ACP3: variants seen among roughly 807,000 people sequenced by gnomAD.
ACP3 encodes prostatic acid phosphatase.
ACP3 carries 38 observed loss-of-function variants against 45.6 expected under a neutral mutation model. The observed-to-expected ratio is 0.83, with a 90% CI of 0.64 to 1.09. The LOEUF is 1.09. Among genes scored for constraint, ACP3 ranks in the 50% least tolerant of loss-of-function variants. The pLI is 0.00. For missense variants in ACP3, 466 were observed against 463.2 expected, an observed-to-expected ratio of 1.01 and a Z score of -0.05; for synonymous variants, 162 against 164.7, an observed-to-expected ratio of 0.98 and a Z score of 0.13.
At position 132,358,670 on chromosome 3, in the gene ACP3, T is replaced by G. The variant is rs1937974182; in HGVS notation, c.*1792T>G. The G allele has an allele frequency of 1.1e-5, 11 of 1,029,668 alleles. No individual in the cohort carries two copies. The African/African-American group carries it at 1.5e-4, about 14-fold the overall frequency. The allele number at this position is 1,029,668 out of a possible 1,614,324, so 63.8% of individuals were successfully genotyped here. A position where few individuals can be genotyped will look rare whatever the true frequency, so the allele number is the denominator to read the frequency against. ...TATTTCCCTCCCAAGTAAATGTTTG[T>G]CCTTGGGTCCATTTTCTATGCTTGT... On this transcript the variant is annotated 3_prime_UTR_variant, in exon 10 of 10. Transcript: ENST00000336375.
intron 8 of ACP3, among the ~76,000 whole-genome samples, chr3:132,351,232 C>G (rs573731524): frequency 6.6e-6 from 1 of 152,136 alleles, no homozygotes; most frequent in Admixed American, 6.5e-5. Context: ...GTTGGAGCTA[C>G]ATTTGGGAGT....
At chr3:132,367,008 T>G (rs1938142787) in intron 10 of ACP3, among the ~76,000 whole-genome samples, 2 of 152,188 alleles carry the variant, frequency 1.3e-5, no homozygotes, top group South Asian at 4.1e-4. Flanking sequence ...AACCCTATAT[T>G]TTTACAATGA....
chr3:132,324,643 A>T (rs573444881), intron 1 of ACP3, among the ~76,000 whole-genome samples: 19 of 151,742 alleles, frequency 1.3e-4, no homozygotes, highest in Non-Finnish European at 2.1e-4. Flanking sequence ...ATTTTTTTTT[A>T]TTTTTATTTA....
chr3:132,318,294 T>G (rs1937144521), intron 1 of ACP3, among the ~76,000 whole-genome samples: 1 of 152,218 alleles, frequency 6.6e-6, no homozygotes, highest in Non-Finnish European at 1.5e-5. Context: ...CTTTTTTTCC[T>G]TCTGTTTCAC....
chr3:132,337,592 T>C lies in ACP3; in HGVS notation c.555+38T>C, dbSNP rs1553731803. The C allele has an allele frequency of 1.2e-5, 16 of 1,374,846 alleles. 1 individual carries two copies. In the East Asian group the frequency reaches 3.7e-4, roughly 32 times the overall value. 85.2% of individuals were successfully genotyped at this position (1,374,846 alleles called of 1,614,324 possible). A position where few individuals can be genotyped will look rare whatever the true frequency, so the allele number is the denominator to read the frequency against. Reference sequence around the variant, plus strand: ...TTTTGTTTAGTGGTACTTGTTAGTTTGTTAGTGGTACTTGAGTGTGAGGGC... The same window carrying C: ...TTTTGTTTAGTGGTACTTGTTAGTTCGTTAGTGGTACTTGAGTGTGAGGGC... On this transcript the variant is annotated intron_variant, in intron 5 of 9. Transcript: ENST00000336375.
intron 4 of ACP3, among the ~76,000 whole-genome samples, chr3:132,332,928 T>A (rs914119354): frequency 6.6e-6 from 1 of 152,200 alleles, no homozygotes; most frequent in African/African-American, 2.4e-5. Flanking sequence ...ACAAACAAAT[T>A]GGTCCAAAGC....
At chr3:132,340,272 G>A (rs930738798) in intron 5 of ACP3, among the ~76,000 whole-genome samples, 19 of 147,020 alleles carry the variant, frequency 1.3e-4, no homozygotes, top group Admixed American at 2.8e-4. Flanking sequence ...CCGAGATGGC[G>A]CCACTGCATT....
intron 1 of ACP3, among the ~76,000 whole-genome samples, chr3:132,319,777 C>T (rs1937171804): frequency 6.6e-6 from 1 of 152,160 alleles, no homozygotes. Flanking sequence ...TAGACATGGT[C>T]TTTTCCTGCT....
downstream of ACP3, among the ~76,000 whole-genome samples, chr3:132,359,365 G>A (rs1005362471): frequency 2.0e-5 from 3 of 152,070 alleles, no homozygotes; most frequent in African/African-American, 7.2e-5. Flanking sequence ...ACAAAAAGCC[G>A]GGCATGGTGG....
At position 132,350,002 on chromosome 3, in the gene ACP3, G is replaced by T. The variant is rs770543387; in HGVS notation, c.864G>T (p.Ala288=). Residue 288 remains alanine, a splice_region_variant and synonymous_variant, in exon 8 of 10, where the codon GCG becomes GCT. Coordinates refer to ENST00000336375, the MANE Select transcript of ACP3 (RefSeq NM_001099.5). ...ACAAAAAACTCATCATGTATTCTGCGGTAAGTATTTTCATCTTCATTTAAC... is the reference window on the plus strand; with the variant it reads ...ACAAAAAACTCATCATGTATTCTGCTGTAAGTATTTTCATCTTCATTTAAC... ...PSYKKLIMYS[A]HDTTVSGLQM... is the part of the protein sequence containing the mutation. The T allele has an allele frequency of 6.3e-7, 1 of 1,585,738 alleles. No homozygotes were observed. Among genetic ancestry groups the T allele is most frequent in the Non-Finnish European group, 8.7e-7 (1 of 1,154,280 alleles).
chr3:132,347,220 C>T lies in ACP3; in HGVS notation c.781+2161C>T, dbSNP rs187082644. Among the ~76,000 whole-genome samples the T allele has an allele frequency of 3.7e-3, 569 of 152,306 alleles. 2 individuals carry two copies. The highest frequency in any genetic ancestry group is 6.5e-3 in the Admixed American group (100 of 15,292). On this transcript the variant is annotated intron_variant, in intron 7 of 9. Transcript: ENST00000336375. ...GTCCTGCTTTCTGGAAAAAGTCCAG[C>T]GCCATTGTTAAGCAGGAAAATTTCT...
chr3:132,344,005 G>A (rs1937579731), intron 6 of ACP3, among the ~76,000 whole-genome samples: 1 of 152,066 alleles, frequency 6.6e-6, no homozygotes, highest in Non-Finnish European at 1.5e-5. Context: ...GTGTGGCCAG[G>A]TGTAGTGGCT....
intron 7 of ACP3, 49 bp downstream of exon 7, chr3:132,345,108 T>C: frequency 3.9e-6 from 6 of 1,536,474 alleles, no homozygotes; most frequent in Non-Finnish European, 5.3e-6. Context: ...GGTTGAATGA[T>C]CCAGGTCTGA....
chr3:132,355,266 A>G (rs1052252504), intron 9 of ACP3, among the ~76,000 whole-genome samples: 1 of 152,222 alleles, frequency 6.6e-6, no homozygotes, highest in Admixed American at 6.5e-5. Flanking sequence ...GGTCCTACCT[A>G]GGTACAACGT....
At chr3:132,367,002 C>A (rs536299456) in intron 10 of ACP3, among the ~76,000 whole-genome samples, 1 of 152,240 alleles carries the variant, frequency 6.6e-6, no homozygotes, top group Non-Finnish European at 1.5e-5. Flanking sequence ...ACAAGAAACC[C>A]TATATTTTTA....
downstream of ACP3, among the ~76,000 whole-genome samples, chr3:132,362,426 C>A (rs1355561345): frequency 6.6e-6 from 1 of 152,116 alleles, no homozygotes; most frequent in Non-Finnish European, 1.5e-5. Context: ...TACTGAGTAC[C>A]TCTTATGTAC....
chr3:132,344,741 T>C (rs1351784051), intron 6 of ACP3, among the ~76,000 whole-genome samples, 186 bp from the exon 7 acceptor site: 2 of 152,136 alleles, frequency 1.3e-5, no homozygotes, highest in Non-Finnish European at 2.9e-5. Flanking sequence ...GGTAAATTCA[T>C]TTATATAAGC....
At chr3:132,328,384 A>C in intron 2 of ACP3, 22 bp downstream of exon 2, 1 of 1,599,678 alleles carries the variant, frequency 6.3e-7, no homozygotes, top group Non-Finnish European at 8.6e-7. Context: ...TTTTAGCTAA[A>C]GATTGTTGAT....
At chr3:132,335,982 CG>C (rs1465125428) in intron 4 of ACP3, among the ~76,000 whole-genome samples, 2 of 152,128 alleles carry the variant, frequency 1.3e-5, no homozygotes, top group Non-Finnish European at 2.9e-5. Context: ...AATAATAGGC[CG>C]GGCGCGGTGG....
Sources: gnomAD v4.1 joint callset for allele counts (sites outside exome capture counted in the v4.1 genomes callset) on GRCh38, gnomAD v4.1.1 for gene constraint, MANE v1.5 for transcripts, NCBI Gene and HGNC (gene_info 2026-07-23, HGNC 2026-07-21) for gene names.